SLC9A7: variants seen among roughly 807,000 people sequenced by gnomAD.
SLC9A7 encodes the protein sodium/hydrogen exchanger 7.
SLC9A7 carries 19 observed loss-of-function variants against 52.6 expected under a neutral mutation model. That is an observed-to-expected ratio of 0.36 (90% CI 0.25 to 0.53). The LOEUF (loss-of-function observed/expected upper bound fraction) is 0.53, where lower values mean the gene tolerates loss of function less well. SLC9A7 is among the 20% of genes least tolerant of loss of function. The pLI, the probability that SLC9A7 is intolerant of heterozygous loss-of-function variation, is 0.91. For synonymous variants in SLC9A7, 226 were observed against 252.1 expected, an observed-to-expected ratio of 0.90 and a Z score of 0.98; for missense variants, 455 against 597.9, an observed-to-expected ratio of 0.76 and a Z score of 2.49.
chrX:46,606,186 G>A lies in SLC9A7; in HGVS notation c.*766C>T. 3 of 723,649 alleles carry A rather than the reference G, an allele frequency of 4.1e-6. No homozygotes were observed. The highest frequency in any genetic ancestry group is 4.9e-6 in the Non-Finnish European group (3 of 611,676). The allele number at this position is 723,649 out of a possible 1,213,427, so 59.6% of individuals were successfully genotyped here. On this transcript the variant is annotated 3_prime_UTR_variant, in exon 17 of 17. Coordinates refer to ENST00000616978, the MANE Select transcript of SLC9A7 (RefSeq NM_001257291.2). ...AAAAAAAAGTTGAATGCTTTTTGCAGTGATACCATCATCAGTTTCTAAATA... is the reference window on the plus strand; with the variant it reads ...AAAAAAAAGTTGAATGCTTTTTGCAATGATACCATCATCAGTTTCTAAATA...
intron 14 of SLC9A7, among the ~76,000 whole-genome samples, chrX:46,621,986 T>A (rs1159661229): frequency 9.7e-6 from 1 of 103,331 alleles, no homozygotes; most frequent in Non-Finnish European, 2.0e-5. Context: ...TAGTTTTAAA[T>A]CATGGTGAAT....
intron 1 of SLC9A7, among the ~76,000 whole-genome samples, chrX:46,714,501 C>A (rs952411924): frequency 2.7e-5 from 3 of 111,546 alleles, no homozygotes; most frequent in Non-Finnish European, 5.6e-5. Flanking sequence ...CTGGACTCTA[C>A]AAGGACCTCA....
In SLC9A7 at chrX:46,632,800, T is replaced by G. The variant is rs192209244; in HGVS notation, c.1677-1151A>C. On this transcript the variant is annotated intron_variant, in intron 13 of 16. Coordinates refer to ENST00000616978, the MANE Select transcript of SLC9A7 (RefSeq NM_001257291.2). ...ATCATTAATTAGAGTCCTGACCTGC[T>G]TTCAATCCTGGTGCCCCTATACCCT... Among the ~76,000 whole-genome samples the G allele has an allele frequency of 3.7e-3, 408 of 111,693 alleles. 5 individuals are homozygous for G. The highest frequency in any genetic ancestry group is 0.013 in the African/African-American group (389 of 30,688).
intron 1 of SLC9A7, among the ~76,000 whole-genome samples, chrX:46,719,696 T>A (rs1944829225): frequency 1.8e-5 from 2 of 111,514 alleles, no homozygotes; most frequent in Admixed American, 9.5e-5. Context: ...AAATATTTTG[T>A]TGGTCTTGTG....
intron 3 of SLC9A7, among the ~76,000 whole-genome samples, chrX:46,677,342 G>A (rs1423269045): frequency 1.8e-5 from 2 of 112,190 alleles, no homozygotes; most frequent in Non-Finnish European, 3.8e-5. Flanking sequence ...TGGCTAAAGG[G>A]TACCTGTCCT....
At chrX:46,613,128 C>T (rs1022614305) in intron 16 of SLC9A7, among the ~76,000 whole-genome samples, 161 bp downstream of exon 16, 4 of 110,000 alleles carry the variant, frequency 3.6e-5, no homozygotes, top group Non-Finnish European at 7.6e-5. Context: ...TGTTACTATG[C>T]GAAATCTATA....
At position 46,610,086 on chromosome X, in the gene SLC9A7, G is replaced by C. The variant is rs150969377; in HGVS notation, c.1930-2883C>G. On this transcript the variant is annotated intron_variant, in intron 16 of 16. Transcript: ENST00000616978. Reference sequence around the variant, plus strand: ...TCAAAGTCTAATAATGTTACATGCAGATGATAAAACTAACCTGCTCCCTTG... The same window carrying C: ...TCAAAGTCTAATAATGTTACATGCACATGATAAAACTAACCTGCTCCCTTG... Among the ~76,000 whole-genome samples, 872 of 112,422 alleles carry C rather than the reference G, an allele frequency of 7.8e-3. 7 individuals carry two copies. Among genetic ancestry groups the C allele is most frequent in the African/African-American group, 0.027 (833 of 30,944 alleles).
chrX:46,629,755 G>A (rs1943192108), intron 14 of SLC9A7, among the ~76,000 whole-genome samples: 1 of 111,737 alleles, frequency 8.9e-6, no homozygotes, highest in African/African-American at 3.3e-5. Context: ...TCCTACCAGA[G>A]CCATTATCTT....
rs955597939 is a variant in SLC9A7, at chrX:46,675,885, G to A, written c.604-3258C>T. On this transcript the variant is annotated intron_variant, in intron 3 of 16. Coordinates refer to ENST00000616978, the MANE Select transcript of SLC9A7 (RefSeq NM_001257291.2). ...ACTTTTCTACATGGTTGTCAATCAC[G>A]CCTATGCAATGAAACCTCTGTAAAA... Among the ~76,000 whole-genome samples, 3 of 111,425 alleles carry A rather than the reference G, an allele frequency of 2.7e-5. No homozygotes were observed. In the East Asian group the frequency reaches 8.5e-4, roughly 31 times the overall value.
At chrX:46,753,247 T>C (rs1922367825) in intron 1 of SLC9A7, among the ~76,000 whole-genome samples, 1 of 111,657 alleles carries the variant, frequency 9.0e-6, no homozygotes, top group African/African-American at 3.3e-5. Flanking sequence ...GTTCAGGCCA[T>C]TTAGAATAAT....
intron 11 of SLC9A7, among the ~76,000 whole-genome samples, chrX:46,647,650 T>C (rs762950093): frequency 3.5e-4 from 40 of 113,024 alleles, no homozygotes; most frequent in Non-Finnish European, 7.3e-4. Flanking sequence ...AGGCTGGTCT[T>C]TGCATGCTCC....
At chrX:46,616,213 G>A in intron 15 of SLC9A7, among the ~76,000 whole-genome samples, 1 of 105,695 alleles carries the variant, frequency 9.5e-6, no homozygotes, top group Non-Finnish European at 1.9e-5. Context: ...CTAGCTACTT[G>A]GGAGGCTAAG....
chrX:46,620,369 T>C (rs1459597830), intron 15 of SLC9A7, among the ~76,000 whole-genome samples: 1 of 111,487 alleles, frequency 9.0e-6, no homozygotes, highest in East Asian at 2.8e-4. Flanking sequence ...TGCAGTGAGC[T>C]GAGTGCGCCA....
rs114093698 is a variant in SLC9A7 at position 46,670,087 on chromosome X, C to T, written c.681-368G>A. ...ATGTTTTTGTAGCAATAAGTTGCTA[C>T]AAAACTCATAAGACTCTAAGATAAT... is the stretch of plus-strand genomic sequence containing the variant. On this transcript the variant is annotated intron_variant, in intron 4 of 16. Transcript: ENST00000616978. Among the ~76,000 whole-genome samples, 714 of 110,986 alleles carry T rather than the reference C, an allele frequency of 6.4e-3. 7 individuals carry two copies. Among genetic ancestry groups the T allele is most frequent in the African/African-American group, 0.022 (685 of 30,514 alleles).
In SLC9A7 at chrX:46,599,509, T is replaced by TAAA. The variant is rs1307282029; in HGVS notation, c.*7440_*7442dup. ...TGTTTTATTTTGAGTTTTGTTTTTT[T>TAAA]AAAAAAAGAAAAGCTTTGAGAAAAT... is the stretch of plus-strand genomic sequence containing the variant. On this transcript the variant is annotated 3_prime_UTR_variant, in exon 17 of 17. Transcript: ENST00000616978. 3.6e-5 allele frequency: 4 copies of TAAA among 112,121 alleles called. No individual in the cohort carries two copies. Among genetic ancestry groups the TAAA allele is most frequent in the African/African-American group, 1.3e-4 (4 of 30,842 alleles). The allele number at this position is 112,121 out of a possible 1,213,427, so 9.2% of individuals were successfully genotyped here. A position where few individuals can be genotyped will look rare whatever the true frequency, so the allele number is the denominator to read the frequency against.
intron 1 of SLC9A7, among the ~76,000 whole-genome samples, chrX:46,738,060 AAAGAAAGAAAGAAAGAAAGAAAG>A (rs1263775622): frequency 1.5e-5 from 1 of 66,845 alleles, no homozygotes; most frequent in African/African-American, 4.1e-5. Flanking sequence ...AGAAAGAAAG[AAAGAAAGAAAGAAAGAAAGAAAG>A]AAAGAAAGAA....
intron 1 of SLC9A7, among the ~76,000 whole-genome samples, chrX:46,708,307 C>T (rs1400490349): frequency 1.8e-5 from 2 of 111,197 alleles, no homozygotes; most frequent in Non-Finnish European, 3.8e-5. Context: ...GTGGGCAGAT[C>T]ACCTGAGGTC....
At chrX:46,741,264 G>A (rs754318684) in intron 1 of SLC9A7, among the ~76,000 whole-genome samples, 29 of 111,522 alleles carry the variant, frequency 2.6e-4, no homozygotes, top group Non-Finnish European at 4.9e-4. Context: ...AAGACATTCC[G>A]CAGGTAGAGA....
At chrX:46,716,153 G>A (rs988759301) in intron 1 of SLC9A7, among the ~76,000 whole-genome samples, 2 of 111,113 alleles carry the variant, frequency 1.8e-5, no homozygotes, top group Admixed American at 9.7e-5. Flanking sequence ...GACTGAAGGA[G>A]TGACTCAGAC....
Sources: gnomAD v4.1 joint callset for allele counts (sites outside exome capture counted in the v4.1 genomes callset) on GRCh38, gnomAD v4.1.1 for gene constraint, MANE v1.5 for transcripts, NCBI Gene and HGNC (gene_info 2026-07-23, HGNC 2026-07-21) for gene names.